Variants in NDUFAF2 observed in about 807,000 individuals in gnomAD.
NDUFAF2 encodes the protein NADH:ubiquinone oxidoreductase complex assembly factor 2.
In NDUFAF2, 13 loss-of-function variants were observed where a neutral mutation model predicts 22.8. The observed-to-expected ratio is 0.57, with a 90% CI of 0.37 to 0.91. The LOEUF (loss-of-function observed/expected upper bound fraction) is 0.91. NDUFAF2 is among the 40% of genes least tolerant of loss of function. The probability of loss-of-function intolerance (pLI) is 0.01; values close to 1 mark genes in which losing one functional copy is unlikely to be tolerated. For missense variants in NDUFAF2, 162 were observed against 195.2 expected, an observed-to-expected ratio of 0.83 and a Z score of 1.01; for synonymous variants, 53 against 64.2, an observed-to-expected ratio of 0.83 and a Z score of 0.84.
In NDUFAF2 at chr5:61,083,820, G is replaced by A. The variant is rs867513980; in HGVS notation, c.217+10606G>A. On this transcript the variant is annotated intron_variant, in intron 2 of 3. Transcript: ENST00000296597. ...AATACATAGAAATACAATTGATTTT[G>A]TATATCAACTGTGTACTTTTAAGTG... Among the ~76,000 whole-genome samples the A allele has an allele frequency of 1.3e-4, 19 of 151,710 alleles. 1 individual carries two copies. In the Middle Eastern group the frequency reaches 0.01, roughly 81 times the overall value.
intron 1 of NDUFAF2, among the ~76,000 whole-genome samples, chr5:60,947,527 A>C (rs1750477738): frequency 6.6e-6 from 1 of 152,158 alleles, no homozygotes; most frequent in Non-Finnish European, 1.5e-5. Flanking sequence ...CCACTTTGGG[A>C]GGCCGAGGTG....
chr5:61,005,419 G>A (rs1281804454), intron 1 of NDUFAF2, among the ~76,000 whole-genome samples: 1 of 152,182 alleles, frequency 6.6e-6, no homozygotes, highest in East Asian at 1.9e-4. Context: ...TGTCTTTATA[G>A]CAGCATGATT....
At chr5:61,141,088 G>C (rs770239765) in intron 3 of NDUFAF2, among the ~76,000 whole-genome samples, 2 of 152,060 alleles carry the variant, frequency 1.3e-5, no homozygotes, top group African/African-American at 4.8e-5. Flanking sequence ...TTAGCCGGAC[G>C]TGGTGGCACA....
At chr5:61,143,535 T>TA (rs1350442307) in intron 3 of NDUFAF2, among the ~76,000 whole-genome samples, 1 of 152,164 alleles carries the variant, frequency 6.6e-6, no homozygotes, top group Non-Finnish European at 1.5e-5. Context: ...CAATAGATAT[T>TA]AAAGATATAT....
chr5:61,006,805 T>C (rs889559186), intron 1 of NDUFAF2, among the ~76,000 whole-genome samples: 8 of 152,142 alleles, frequency 5.3e-5, no homozygotes, highest in Non-Finnish European at 1.2e-4. Flanking sequence ...TTAGTTAATA[T>C]TGTAATGAAA....
At chr5:61,014,649 T>G (rs575673027) in intron 1 of NDUFAF2, among the ~76,000 whole-genome samples, 1 of 152,292 alleles carries the variant, frequency 6.6e-6, no homozygotes, top group South Asian at 2.1e-4. Context: ...CTCCTAGGAC[T>G]TAGTGTCATA....
chr5:60,952,482 T>C (rs1298239339), intron 1 of NDUFAF2, among the ~76,000 whole-genome samples: 1 of 152,092 alleles, frequency 6.6e-6, no homozygotes, highest in African/African-American at 2.4e-5. Context: ...TACAAATATT[T>C]GGAGATTTTC....
At chr5:61,001,597 G>A (rs162244) in intron 1 of NDUFAF2, among the ~76,000 whole-genome samples, 96,720 of 151,966 alleles carry the variant, frequency 0.64, 31,198 homozygotes, top group East Asian at 0.94. Context: ...ATCATGTCTC[G>A]GAAAATATTT....
chr5:61,039,053 T>G (rs1054723439), intron 1 of NDUFAF2, among the ~76,000 whole-genome samples: 2 of 151,338 alleles, frequency 1.3e-5, no homozygotes, highest in African/African-American at 4.9e-5. Context: ...ATAAATTTAC[T>G]GAAAATATTC....
At chr5:61,125,922 G>A (rs1753030493) in intron 3 of NDUFAF2, among the ~76,000 whole-genome samples, 1 of 151,972 alleles carries the variant, frequency 6.6e-6, no homozygotes, top group African/African-American at 2.4e-5. Flanking sequence ...TCTGCACTAA[G>A]TGTGCCCCAA....
rs779230992 is a variant in NDUFAF2 at position 61,098,990 on chromosome 5, A to G, written c.218-2A>G. 6.3e-7 allele frequency: 1 copy of G among 1,598,186 alleles called. No homozygotes were observed. The highest frequency in any genetic ancestry group is 1.1e-5 in the South Asian group (1 of 89,420). Reference sequence around the variant, plus strand: ...ACATTTAAATATTATTTTTCTTTCTAGCTTGGATTAGAAGAACAAGAAAGA... The same window carrying G: ...ACATTTAAATATTATTTTTCTTTCTGGCTTGGATTAGAAGAACAAGAAAGA... On this transcript the variant is annotated splice_acceptor_variant, in intron 2 of 3. Transcript: ENST00000296597. LOFTEE classifies it high-confidence loss of function.
At chr5:60,995,959 C>T (rs1269916227) in intron 1 of NDUFAF2, among the ~76,000 whole-genome samples, 1 of 152,166 alleles carries the variant, frequency 6.6e-6, no homozygotes, top group Non-Finnish European at 1.5e-5. Context: ...CAAGACTACC[C>T]CTGATGTTTC....
At chr5:61,083,654 A>G (rs1038141230) in intron 2 of NDUFAF2, among the ~76,000 whole-genome samples, 2 of 147,518 alleles carry the variant, frequency 1.4e-5, no homozygotes, top group Non-Finnish European at 3.1e-5. Flanking sequence ...CTGGGATTAC[A>G]GGTGTGAGCC....
At chr5:61,135,614 C>T (rs866688443) in intron 3 of NDUFAF2, among the ~76,000 whole-genome samples, 1 of 152,102 alleles carries the variant, frequency 6.6e-6, no homozygotes, top group South Asian at 2.1e-4. Flanking sequence ...GTTATTGAAT[C>T]ACAAGGTAGA....
At chr5:60,964,452 C>CTTT (rs750442889) in intron 1 of NDUFAF2, among the ~76,000 whole-genome samples, 1 of 139,600 alleles carries the variant, frequency 7.2e-6, no homozygotes, top group Non-Finnish European at 1.6e-5. Context: ...GTGTACAACA[C>CTTT]TTTTTTTTTT....
At chr5:61,029,044 G>T (rs1393044917) in intron 1 of NDUFAF2, among the ~76,000 whole-genome samples, 1 of 151,954 alleles carries the variant, frequency 6.6e-6, no homozygotes, top group Non-Finnish European at 1.5e-5. Context: ...AGCAATCTTA[G>T]CATGTTGTAT....
At chr5:61,061,399 TATTA>T (rs1752164316) in intron 1 of NDUFAF2, among the ~76,000 whole-genome samples, 1 of 152,190 alleles carries the variant, frequency 6.6e-6, no homozygotes, top group African/African-American at 2.4e-5. Context: ...GCTGTGGCTT[TATTA>T]ATTCCTGGGT....
chr5:61,109,865 T>A (rs112022965), intron 3 of NDUFAF2, among the ~76,000 whole-genome samples: 3,700 of 152,282 alleles, frequency 0.024, 63 homozygotes, highest in Non-Finnish European at 0.038. Flanking sequence ...ATTAAACCTC[T>A]TCTTTTAATA....
intron 3 of NDUFAF2, among the ~76,000 whole-genome samples, chr5:61,133,736 A>G (rs1446613083): frequency 6.6e-6 from 1 of 152,222 alleles, no homozygotes; most frequent in Non-Finnish European, 1.5e-5. Flanking sequence ...AAGGAAACCA[A>G]TTAACAGTGA....
Sources: allele counts gnomAD v4.1 joint callset (sites outside exome capture counted in the v4.1 genomes callset), GRCh38; gene constraint gnomAD v4.1.1; transcripts MANE v1.5; gene names NCBI Gene and HGNC (gene_info 2026-07-23, HGNC 2026-07-21).